Variants in BAIAP2L1 observed in about 807,000 individuals in gnomAD.
The protein encoded by BAIAP2L1 is BAR/IMD domain-containing adapter protein 2-like 1.
Under a neutral mutation model 66.3 loss-of-function variants are expected in BAIAP2L1, and 35 were observed. The observed-to-expected ratio is 0.53, with a 90% CI of 0.40 to 0.70. BAIAP2L1 has a LOEUF of 0.70. BAIAP2L1 is among the 30% of genes least tolerant of loss of function. The pLI is 0.00. For missense variants in BAIAP2L1, 622 were observed against 656.9 expected (o/e 0.95, Z 0.58); for synonymous variants, 269 against 248.7 (o/e 1.08, Z -0.77).
chr7:98,384,783 C>T (rs576024514), intron 1 of BAIAP2L1, among the ~76,000 whole-genome samples: 3 of 148,890 alleles, frequency 2.0e-5, no homozygotes, highest in Admixed American at 1.4e-4. Context: ...ACTGCAACCT[C>T]GGCCTCCCAG....
chr7:98,292,789 C>T lies in BAIAP2L1; in HGVS notation c.*732G>A. 2 of 1,543,160 alleles carry T rather than the reference C, an allele frequency of 1.3e-6. No individual in the cohort carries two copies. Among genetic ancestry groups the T allele is most frequent in the Non-Finnish European group, 8.8e-7 (1 of 1,141,898 alleles). On this transcript the variant is annotated 3_prime_UTR_variant, in exon 14 of 14. Coordinates refer to ENST00000005260, the MANE Select transcript of BAIAP2L1 (RefSeq NM_018842.5). Reference sequence around the variant, plus strand: ...TGAGTGAGAACACAAGGAGCCGTGACTCCGACGCCCAGGCCTGTGTCCTGG... The same window carrying T: ...TGAGTGAGAACACAAGGAGCCGTGATTCCGACGCCCAGGCCTGTGTCCTGG...
chr7:98,308,160 G>A (rs1322472597), intron 9 of BAIAP2L1: 1 of 610,550 alleles, frequency 1.6e-6, no homozygotes, highest in South Asian at 1.5e-5. Flanking sequence ...CCAGGCCCAA[G>A]GACAAGGCGG....
chr7:98,306,885 T>C (rs1281497357), intron 10 of BAIAP2L1: 1 of 216,882 alleles, frequency 4.6e-6, no homozygotes. Flanking sequence ...AAGCAATATA[T>C]GTTGTATGTA....
chr7:98,317,485 A>C, intron 5 of BAIAP2L1, 129 bp from the exon 6 acceptor site: 28 of 1,254,030 alleles, frequency 2.2e-5, no homozygotes, highest in Non-Finnish European at 2.8e-5. Context: ...CACCATCCTC[A>C]CACTGGCTGG....
At chr7:98,335,426 CTA>C (rs747518462) in intron 3 of BAIAP2L1, among the ~76,000 whole-genome samples, 14 of 152,182 alleles carry the variant, frequency 9.2e-5, no homozygotes, top group Non-Finnish European at 1.5e-4. Context: ...TGTATTAAAA[CTA>C]TGAGTATAAA....
chr7:98,366,210 G>C (rs557458420), intron 1 of BAIAP2L1, among the ~76,000 whole-genome samples: 50 of 151,838 alleles, frequency 3.3e-4, no homozygotes, highest in African/African-American at 1.1e-3. Context: ...TGATTTTCAG[G>C]AACTCCTCTG....
intron 3 of BAIAP2L1, 103 bp downstream of exon 3, chr7:98,354,939 G>T: frequency 2.4e-6 from 2 of 834,844 alleles, no homozygotes; most frequent in Admixed American, 1.9e-5. Flanking sequence ...CAGCATGCTG[G>T]CCCAGATCTC....
At position 98,307,882 on chromosome 7, in the gene BAIAP2L1, G is replaced by A. The variant is rs370330772; in HGVS notation, c.970C>T (p.Pro324Ser). ...VNNSTGTSED[P>S]SLQRSVSVAT... ...ACCGAAACTGATCGCTGTAAACTGG[G>A]ATCTTCGGAAGTACCTGTTGGAGGG... The change falls in exon 10 of 14, where the codon CCC (proline) becomes TCC (serine). Residue 324 changes from proline to serine, a missense_variant. By Grantham distance (74) the Pro-to-Ser change is moderately conservative. Transcript: ENST00000005260. 14 of 1,614,088 alleles carry A rather than the reference G, an allele frequency of 8.7e-6. No homozygotes were observed. The African/African-American group carries it at 1.9e-4, about 22-fold the overall frequency.
In BAIAP2L1 at chr7:98,370,398, C is replaced by T. The variant is rs549512058; in HGVS notation, c.52-7966G>A. ...AAAAAAAAAAAAAAAAAAAGATTTG[C>T]AACTACAGTTTGTAGTCAATACTGA... is the stretch of plus-strand genomic sequence containing the variant. On this transcript the variant is annotated intron_variant, in intron 1 of 13. Transcript: ENST00000005260. 8.2e-5 allele frequency among the ~76,000 whole-genome samples: 12 copies of T among 145,706 alleles called. No homozygotes were observed. In the East Asian group the frequency reaches 2.3e-3, roughly 28 times the overall value.
At chr7:98,319,358 G>A (rs1801175389) in intron 5 of BAIAP2L1, among the ~76,000 whole-genome samples, 2 of 152,132 alleles carry the variant, frequency 1.3e-5, no homozygotes, top group South Asian at 4.1e-4. Context: ...GATGGGCCAG[G>A]GCACACCGGG....
intron 5 of BAIAP2L1, among the ~76,000 whole-genome samples, chr7:98,318,836 T>TG (rs1801157779): frequency 6.7e-6 from 1 of 148,454 alleles, no homozygotes; most frequent in African/African-American, 2.5e-5. Context: ...CCCAGCTAAT[T>TG]GGGAGGCTGA....
At chr7:98,359,335 C>T (rs971681156) in intron 2 of BAIAP2L1, among the ~76,000 whole-genome samples, 5 of 150,080 alleles carry the variant, frequency 3.3e-5, no homozygotes, top group African/African-American at 7.4e-5. Context: ...TGCAATGGCA[C>T]GATCTCTGCT....
chr7:98,353,686 G>A (rs974208738), intron 3 of BAIAP2L1, among the ~76,000 whole-genome samples: 22 of 142,202 alleles, frequency 1.5e-4, no homozygotes, highest in Non-Finnish European at 2.1e-4. Context: ...ATGGCTGGGC[G>A]CGGTGGCTCA....
intron 12 of BAIAP2L1, among the ~76,000 whole-genome samples, chr7:98,294,908 T>C (rs1203433965): frequency 6.6e-6 from 1 of 152,100 alleles, no homozygotes; most frequent in South Asian, 2.1e-4. Flanking sequence ...GGGCCAGGTG[T>C]GTGCGCGCCT....
intron 3 of BAIAP2L1, among the ~76,000 whole-genome samples, chr7:98,343,925 A>G (rs1482170815): frequency 2.0e-5 from 3 of 152,218 alleles, no homozygotes; most frequent in Non-Finnish European, 4.4e-5. Context: ...TCACGCCTGT[A>G]ATCCCAGCAC....
intron 1 of BAIAP2L1, among the ~76,000 whole-genome samples, chr7:98,365,319 A>T (rs1389609260): frequency 6.6e-6 from 1 of 151,814 alleles, no homozygotes; most frequent in Non-Finnish European, 1.5e-5. Flanking sequence ...TATATCCTGG[A>T]TTTATTCTCT....
intron 3 of BAIAP2L1, among the ~76,000 whole-genome samples, chr7:98,345,004 A>G (rs1801838346): frequency 6.6e-6 from 1 of 152,192 alleles, no homozygotes; most frequent in Non-Finnish European, 1.5e-5. Flanking sequence ...ATTGCTTGGC[A>G]TTTCTACTTT....
chr7:98,297,952 C>A (rs1375436010), intron 12 of BAIAP2L1, among the ~76,000 whole-genome samples: 2 of 152,226 alleles, frequency 1.3e-5, no homozygotes, highest in Non-Finnish European at 2.9e-5. Flanking sequence ...AAATTCAGGC[C>A]GGGCACAGTG....
chr7:98,308,507 T>C (rs1800749858), intron 9 of BAIAP2L1: 1 of 358,660 alleles, frequency 2.8e-6, no homozygotes, highest in South Asian at 2.1e-5. Flanking sequence ...CTATTTATTA[T>C]CCACAGGACA....
Sources: allele counts gnomAD v4.1 joint callset (sites outside exome capture counted in the v4.1 genomes callset), GRCh38; gene constraint gnomAD v4.1.1; transcripts MANE v1.5; gene names NCBI Gene and HGNC (gene_info 2026-07-23, HGNC 2026-07-21).